SGIP1: variants seen among roughly 807,000 people sequenced by gnomAD.
SGIP1 encodes SH3-containing GRB2-like protein 3-interacting protein 1.
Under a neutral mutation model 107.5 loss-of-function variants are expected in SGIP1, and 38 were observed. The ratio of observed to expected loss-of-function variants is 0.35; its 90% CI spans 0.27 to 0.46. The LOEUF is 0.46. Among genes scored for constraint, SGIP1 ranks in the 20% least tolerant of loss-of-function variants. The pLI, the probability that SGIP1 is intolerant of heterozygous loss-of-function variation, is 1.00. For missense variants in SGIP1, 929 were observed against 1,019.5 expected (o/e 0.91, Z 1.21); for synonymous variants, 365 against 366.1 (o/e 1.00, Z 0.03).
chr1:66,627,067 A>G (rs2073010755), intron 2 of SGIP1, among the ~76,000 whole-genome samples: 1 of 152,160 alleles, frequency 6.6e-6, no homozygotes, highest in Admixed American at 6.6e-5. Context: ...ATGAGGTAAC[A>G]TATTTGAAAT....
rs1420377577 is a variant in SGIP1, at chr1:66,746,056, C to T, written c.*2961C>T. Reference sequence around the variant, plus strand: ...CGGTTTTGAGTTAATAGATAGGAATCCCTCAGTCAAACTACAGAATTTTTT... The same window carrying T: ...CGGTTTTGAGTTAATAGATAGGAATTCCTCAGTCAAACTACAGAATTTTTT... On this transcript the variant is annotated 3_prime_UTR_variant, in exon 25 of 25. Coordinates refer to ENST00000371037, the MANE Select transcript of SGIP1 (RefSeq NM_032291.4). 6.6e-6 allele frequency: 1 copy of T among 151,958 alleles called. No individual in the cohort carries two copies. Among genetic ancestry groups the T allele is most frequent in the Non-Finnish European group, 1.5e-5 (1 of 67,962 alleles). 9.4% of individuals were successfully genotyped at this position (151,958 alleles called of 1,614,324 possible).
At chr1:66,600,774 A>T (rs1034102765) in intron 1 of SGIP1, among the ~76,000 whole-genome samples, 1 of 152,156 alleles carries the variant, frequency 6.6e-6, no homozygotes, top group Non-Finnish European at 1.5e-5. Context: ...TTACCAGAAA[A>T]TGTGCTGATT....
At chr1:66,623,627 T>C (rs1364461470) in intron 1 of SGIP1, among the ~76,000 whole-genome samples, 1 of 152,208 alleles carries the variant, frequency 6.6e-6, no homozygotes, top group Non-Finnish European at 1.5e-5. Flanking sequence ...TGTATGCCTA[T>C]TGACATTCTA....
Position 66,733,763 on chromosome 1 carries a change from T to C in SGIP1, c.1914T>C (p.Asn638=), listed in dbSNP as rs2094119498. The part of the protein sequence containing the change: ...PQLLCCDNTQ[N]DANTKEFWVN... ...AAATGAACAGTGATAATACACAAAA[T>C]GATGCCAATACCAAGGAATTCTGGG... The change falls in exon 21 of 25, where the codon AAT becomes AAC. Residue 638 remains asparagine (N), a synonymous_variant. Transcript: ENST00000371037. 6.2e-7 allele frequency: 1 copy of C among 1,612,822 alleles called. No individual in the cohort carries two copies. Among genetic ancestry groups the C allele is most frequent in the African/African-American group, 1.3e-5 (1 of 74,892 alleles).
rs113175966 is a variant in SGIP1 at position 66,729,905 on chromosome 1, G to T, written c.1898+486G>T. 1.6e-3 allele frequency among the ~76,000 whole-genome samples: 244 copies of T among 152,266 alleles called. 1 individual carries two copies. Among genetic ancestry groups the T allele is most frequent in the African/African-American group, 5.7e-3 (235 of 41,556 alleles). On this transcript the variant is annotated intron_variant, in intron 20 of 24. Coordinates refer to ENST00000371037, the MANE Select transcript of SGIP1 (RefSeq NM_032291.4). ...CAACCTCCGCCTCCTGGGTTCAAGT[G>T]GTTCTCCTGCCTCAGCCTCCCAAGT...
chr1:66,601,420 A>G (rs1008976750), intron 1 of SGIP1, among the ~76,000 whole-genome samples: 2 of 152,122 alleles, frequency 1.3e-5, no homozygotes, highest in African/African-American at 4.8e-5. Flanking sequence ...AGATTCTGCT[A>G]AAAGCAACCT....
At position 66,639,798 on chromosome 1, in the gene SGIP1, A is replaced by G. The variant is rs1261838676; in HGVS notation, c.193A>G (p.Asn65Asp). ...ACAGAAGAAAAGCAATGGGGCACCA[A>G]ATGGATTTTATGCGGAAATTGATTG... ...KVSKKSNGAP[N>D]GFYAEIDWER... The change falls in exon 5 of 25, where the codon AAT becomes GAT. Residue 65 changes from asparagine to aspartate, a missense_variant. This residue lies in a region of SGIP1 where 588 missense variants were observed against 588.6 expected (regional missense o/e 1.00). Coordinates refer to ENST00000371037, the MANE Select transcript of SGIP1 (RefSeq NM_032291.4). The G allele has an allele frequency of 6.2e-7, 1 of 1,612,012 alleles. No individual in the cohort carries two copies. The highest frequency in any genetic ancestry group is 8.5e-7 in the Non-Finnish European group (1 of 1,178,840).
chr1:66,737,544 A>G (rs2094309645), intron 21 of SGIP1, among the ~76,000 whole-genome samples: 1 of 152,124 alleles, frequency 6.6e-6, no homozygotes, highest in Non-Finnish European at 1.5e-5. Flanking sequence ...TAAAATAAAT[A>G]AATAAAGTGT....
intron 21 of SGIP1, among the ~76,000 whole-genome samples, chr1:66,734,569 A>G (rs544296192): frequency 2.0e-5 from 3 of 151,204 alleles, no homozygotes; most frequent in Non-Finnish European, 4.4e-5. Context: ...CAGTGGCACA[A>G]TCTTGGCTCA....
At chr1:66,548,235 TA>T (rs1267065348) in intron 1 of SGIP1, among the ~76,000 whole-genome samples, 1 of 152,142 alleles carries the variant, frequency 6.6e-6, no homozygotes, top group African/African-American at 2.4e-5. Flanking sequence ...TTTTTTATTT[TA>T]TTTTTTTGAG....
intron 18 of SGIP1, among the ~76,000 whole-genome samples, chr1:66,717,058 T>G (rs1482968611): frequency 6.6e-6 from 1 of 152,188 alleles, no homozygotes; most frequent in East Asian, 1.9e-4. Context: ...TTAATGAAAC[T>G]TTCCCTGACC....
At chr1:66,590,992 ACCAACATTT>A (rs1019907667) in intron 1 of SGIP1, among the ~76,000 whole-genome samples, 15 of 152,192 alleles carry the variant, frequency 9.9e-5, no homozygotes, top group Non-Finnish European at 2.9e-5. Flanking sequence ...ATCCACTCTT[ACCAACATTT>A]CCATATTAGT....
chr1:66,687,401 C>A (rs750609828), intron 15 of SGIP1, among the ~76,000 whole-genome samples: 5 of 151,330 alleles, frequency 3.3e-5, no homozygotes, highest in Non-Finnish European at 5.9e-5. Context: ...AAATCTGACA[C>A]AATAATCAAA....
intron 18 of SGIP1, among the ~76,000 whole-genome samples, chr1:66,700,064 G>T (rs974508089): frequency 6.8e-6 from 1 of 147,612 alleles, no homozygotes; most frequent in Non-Finnish European, 1.5e-5. Context: ...CTTTCACAGG[G>T]TCACACAGTC....
chr1:66,705,112 G>T (rs573035510), intron 18 of SGIP1, among the ~76,000 whole-genome samples: 23 of 152,264 alleles, frequency 1.5e-4, no homozygotes, highest in Non-Finnish European at 1.3e-4. Context: ...CAACTATTCT[G>T]CACTGTGTGT....
At chr1:66,626,541 A>G (rs1157540548) in intron 2 of SGIP1, among the ~76,000 whole-genome samples, 1 of 152,250 alleles carries the variant, frequency 6.6e-6, no homozygotes, top group Non-Finnish European at 1.5e-5. Flanking sequence ...GAAAATGTGC[A>G]ATGACATAAC....
chr1:66,626,825 G>A lies in SGIP1; in HGVS notation c.74+915G>A, dbSNP rs372162179. ...TCAAGCCCATTATACCCCTCATTTG[G>A]CTAGAATCTCTGAAAGAAAGTTAGA... On this transcript the variant is annotated intron_variant, in intron 2 of 24. Transcript: ENST00000371037. 2.8e-4 allele frequency among the ~76,000 whole-genome samples: 42 copies of A among 152,166 alleles called. No individual in the cohort carries two copies. In the South Asian group the frequency reaches 8.7e-3, roughly 32 times the overall value.
chr1:66,610,019 C>G (rs933389523), intron 1 of SGIP1, among the ~76,000 whole-genome samples: 1 of 151,984 alleles, frequency 6.6e-6, no homozygotes, highest in Non-Finnish European at 1.5e-5. Flanking sequence ...GAGCACTTAA[C>G]AGAAAATTTA....
intron 1 of SGIP1, among the ~76,000 whole-genome samples, chr1:66,614,592 T>C (rs34007277): frequency 0.15 from 22,418 of 152,174 alleles, 2,184 homozygotes; most frequent in East Asian, 0.46. Context: ...TCAAAAATAA[T>C]TTCATATTTA....
Sources: allele counts gnomAD v4.1 joint callset (sites outside exome capture counted in the v4.1 genomes callset), GRCh38; gene constraint gnomAD v4.1.1; regional missense constraint gnomAD v4.1.1; transcripts MANE v1.5; gene names NCBI Gene and HGNC (gene_info 2026-07-23, HGNC 2026-07-21).